Variants in PRDM16 observed in about 807,000 individuals in gnomAD.
PRDM16 encodes histone-lysine N-methyltransferase PRDM16.
Under a neutral mutation model 110.6 loss-of-function variants are expected in PRDM16, and 23 were observed. That is an observed-to-expected ratio of 0.21 (90% CI 0.15 to 0.29). PRDM16 has a LOEUF of 0.29. PRDM16 is among the 10% of genes least tolerant of loss of function. The probability of loss-of-function intolerance (pLI) is 1.00; values close to 1 mark genes in which losing one functional copy is unlikely to be tolerated. For missense variants in PRDM16, 1,615 were observed against 1,794.3 expected, an observed-to-expected ratio of 0.90 and a Z score of 1.81; for synonymous variants, 799 against 781.8, an observed-to-expected ratio of 1.02 and a Z score of -0.37.
At chr1:3,334,062 T>A (rs1019551601) in intron 3 of PRDM16, among the ~76,000 whole-genome samples, 1 of 152,238 alleles carries the variant, frequency 6.6e-6, no homozygotes, top group African/African-American at 2.4e-5. Context: ...AAAGTGCAGC[T>A]GACCTGGCAC....
chr1:3,185,855 G>C (rs973846412), intron 1 of PRDM16, among the ~76,000 whole-genome samples: 1 of 152,216 alleles, frequency 6.6e-6, no homozygotes, highest in African/African-American at 2.4e-5. Context: ...GGTGAGCCAG[G>C]GTGTGTCGGG....
At chr1:3,113,937 CTT>C (rs1380576578) in intron 1 of PRDM16, among the ~76,000 whole-genome samples, 2 of 152,032 alleles carry the variant, frequency 1.3e-5, no homozygotes, top group Non-Finnish European at 2.9e-5. Flanking sequence ...GAATTTTTTT[CTT>C]TTTTTTCTCT....
chr1:3,438,499 T>C lies in PRDM16; in HGVS notation c.*4688T>C. On this transcript the variant is annotated 3_prime_UTR_variant, in exon 17 of 17. Transcript: ENST00000270722. ...AGAGACATTTCCTTAAGAGAAAGCCTAGGAGAAGCCGATTTGGAGGTTAAT... is the reference window on the plus strand; with the variant it reads ...AGAGACATTTCCTTAAGAGAAAGCCCAGGAGAAGCCGATTTGGAGGTTAAT... The C allele has an allele frequency of 4.8e-6, 1 of 207,334 alleles. No individual in the cohort carries two copies. The highest frequency in any genetic ancestry group is 7.3e-5 in the East Asian group (1 of 13,606). 12.8% of individuals were successfully genotyped at this position (207,334 alleles called of 1,614,324 possible).
chr1:3,216,449 C>T (rs1042056939), intron 2 of PRDM16, among the ~76,000 whole-genome samples: 1 of 152,188 alleles, frequency 6.6e-6, no homozygotes, highest in African/African-American at 2.4e-5. Context: ...CAAGAGCCTT[C>T]CCCAATATGG....
At chr1:3,192,912 C>A (rs914511235) in intron 2 of PRDM16, among the ~76,000 whole-genome samples, 1 of 152,184 alleles carries the variant, frequency 6.6e-6, no homozygotes, top group African/African-American at 2.4e-5. Flanking sequence ...AGAACCTTGG[C>A]CCCTCTCTGG....
At chr1:3,426,372 G>A (rs1638606476) in intron 14 of PRDM16, 147 bp downstream of exon 14, 15 of 592,844 alleles carry the variant, frequency 2.5e-5, no homozygotes, top group East Asian at 1.8e-4. Context: ...AGAGGGTGAG[G>A]CCCCTGGGCT....
At chr1:3,224,947 G>A (rs554132296) in intron 2 of PRDM16, among the ~76,000 whole-genome samples, 1 of 152,392 alleles carries the variant, frequency 6.6e-6, no homozygotes, top group Admixed American at 6.5e-5. Context: ...CACAGGGGCA[G>A]ATACGGTGCT....
chr1:3,238,416 G>A (rs1639586618), intron 2 of PRDM16, among the ~76,000 whole-genome samples: 1 of 152,238 alleles, frequency 6.6e-6, no homozygotes, highest in African/African-American at 2.4e-5. Context: ...TGAAGGAACT[G>A]AGAAGTAACT....
In PRDM16 at chr1:3,114,217, GAA is replaced by G. The variant is rs1491416644; in HGVS notation, c.37+44922_37+44923del. On this transcript the variant is annotated intron_variant, in intron 1 of 16. Coordinates refer to ENST00000270722, the MANE Select transcript of PRDM16 (RefSeq NM_022114.4). Reference sequence around the variant, plus strand: ...CGCACACGCACGCACACACGCACACGAACACACACGCACACACGCAGTGTAAA... The same window carrying G: ...CGCACACGCACGCACACACGCACACGCACACACGCACACACGCAGTGTAAA... 1.8e-3 allele frequency among the ~76,000 whole-genome samples: 161 copies of G among 90,140 alleles called. 4 individuals are homozygous for G. In the South Asian group the frequency reaches 0.033, roughly 18 times the overall value. The allele number at this position is 90,140 out of a possible 152,430, so 59.1% of individuals were successfully genotyped here.
chr1:3,380,252 C>A (rs1643078937), intron 3 of PRDM16, among the ~76,000 whole-genome samples: 1 of 151,742 alleles, frequency 6.6e-6, no homozygotes, highest in South Asian at 2.1e-4. Context: ...GCCCACCTGG[C>A]CCCCCTCAGA....
intron 1 of PRDM16, among the ~76,000 whole-genome samples, chr1:3,166,924 T>C (rs1466364817): frequency 6.6e-6 from 1 of 152,172 alleles, no homozygotes; most frequent in Non-Finnish European, 1.5e-5. Context: ...TCCTGCTGCA[T>C]AGATGCTGCT....
At chr1:3,394,948 T>C (rs1320538217) in intron 4 of PRDM16, among the ~76,000 whole-genome samples, 1 of 152,034 alleles carries the variant, frequency 6.6e-6, no homozygotes, top group Admixed American at 6.5e-5. Context: ...CACTTTTACA[T>C]CTCCTCATAA....
chr1:3,273,883 G>A (rs1435390785), intron 3 of PRDM16, among the ~76,000 whole-genome samples: 2 of 143,674 alleles, frequency 1.4e-5, no homozygotes, highest in African/African-American at 2.6e-5. Context: ...GCCAGCCTAC[G>A]TGTGGGTAGG....
chr1:3,312,977 G>C (rs1641500095), intron 3 of PRDM16, among the ~76,000 whole-genome samples: 1 of 152,350 alleles, frequency 6.6e-6, no homozygotes, highest in Non-Finnish European at 1.5e-5. Context: ...CTATCAACTT[G>C]TGACTTCCAG....
intron 2 of PRDM16, among the ~76,000 whole-genome samples, chr1:3,221,369 G>A (rs763994191): frequency 6.6e-6 from 1 of 152,198 alleles, no homozygotes; most frequent in Non-Finnish European, 1.5e-5. Context: ...CAATCAAACC[G>A]GATCATGTAC....
At chr1:3,256,071 T>A (rs1640039862) in intron 3 of PRDM16, among the ~76,000 whole-genome samples, 1 of 152,176 alleles carries the variant, frequency 6.6e-6, no homozygotes, top group South Asian at 2.1e-4. Flanking sequence ...AGGCCACCCC[T>A]TGCTTTTGCT....
At chr1:3,101,951 C>A (rs1289870562) in intron 1 of PRDM16, among the ~76,000 whole-genome samples, 1 of 152,182 alleles carries the variant, frequency 6.6e-6, no homozygotes, top group Non-Finnish European at 1.5e-5. Flanking sequence ...AGCCGAAAAG[C>A]ACAGCCCCTC....
chr1:3,094,997 A>T (rs1171468692), intron 1 of PRDM16, among the ~76,000 whole-genome samples: 3 of 152,222 alleles, frequency 2.0e-5, no homozygotes, highest in Non-Finnish European at 4.4e-5. Context: ...GCTGGGCGAG[A>T]TGAAGCCAGC....
At chr1:3,235,244 T>A (rs564504481) in intron 2 of PRDM16, among the ~76,000 whole-genome samples, 2 of 152,316 alleles carry the variant, frequency 1.3e-5, no homozygotes, top group South Asian at 4.1e-4. Flanking sequence ...ACAAACAGCC[T>A]CGCAGAACTT....
Sources: gnomAD v4.1 joint callset for allele counts (sites outside exome capture counted in the v4.1 genomes callset) on GRCh38, gnomAD v4.1.1 for gene constraint, MANE v1.5 for transcripts, NCBI Gene and HGNC (gene_info 2026-07-23, HGNC 2026-07-21) for gene names.